KNTC1: variants seen among roughly 807,000 people sequenced by gnomAD.
The protein encoded by KNTC1 is kinetochore-associated protein 1.
Under a neutral mutation model 314.4 loss-of-function variants are expected in KNTC1, and 253 were observed. The ratio of observed to expected loss-of-function variants is 0.80; its 90% CI spans 0.73 to 0.89. The LOEUF (loss-of-function observed/expected upper bound fraction) is 0.89. KNTC1 is among the 40% of genes least tolerant of loss of function. The pLI is 0.00. For missense variants in KNTC1, 2,475 were observed against 2,572.9 expected (o/e 0.96, Z 0.82); for synonymous variants, 901 against 901.4 (o/e 1.00, Z 0.01).
Position 122,530,048 on chromosome 12 carries a change from A to T in KNTC1, c.-16A>T. On this transcript the variant is annotated 5_prime_UTR_variant, in exon 2 of 64. It adds an upstream start codon to the 5' untranslated region. Transcript: ENST00000333479. ...AAAGACAGTGGTTCCTGACTCAGGA[A>T]GACAGTCTCAGAAACATGTGGAATG... The T allele has an allele frequency of 6.2e-7, 1 of 1,612,134 alleles. No homozygotes were observed. The highest frequency in any genetic ancestry group is 8.5e-7 in the Non-Finnish European group (1 of 1,178,984).
chr12:122,595,176 A>G (rs570155023), intron 43 of KNTC1, among the ~76,000 whole-genome samples: 3 of 152,328 alleles, frequency 2.0e-5, no homozygotes, highest in African/African-American at 7.2e-5. Context: ...GCGCCTGAAC[A>G]AGAATTTTTA....
Position 122,557,600 on chromosome 12 carries a change from G to A in KNTC1, c.1399G>A (p.Asp467Asn). 1 of 1,613,090 alleles carries A rather than the reference G, an allele frequency of 6.2e-7. No individual in the cohort carries two copies. The highest frequency in any genetic ancestry group is 8.5e-7 in the Non-Finnish European group (1 of 1,179,468). The part of the protein sequence containing the change: ...DAKENLHKIQ[D>N]DEFVVNYCLK... ...ACTGTGTCTGGCATTTGTGAAACAG[G>A]ATGATGAATTTGTGGTGAATTACTG... The change falls in exon 18 of 64, where the codon GAT becomes AAT. Residue 467 changes from aspartate to asparagine, a missense_variant and splice_region_variant. Coordinates refer to ENST00000333479, the MANE Select transcript of KNTC1 (RefSeq NM_014708.6).
intron 57 of KNTC1, among the ~76,000 whole-genome samples, chr12:122,616,800 GCA>G (rs1873817142): frequency 6.6e-6 from 1 of 152,096 alleles, no homozygotes; most frequent in African/African-American, 2.4e-5. Flanking sequence ...TTTGGTATAT[GCA>G]CAGAGTTGTA....
rs1871897564 is a variant in KNTC1 at position 122,601,515 on chromosome 12, T to C, written c.4564-21T>C. ...ATGGCAAAGTCTTATCAAGTTTTGATATATTTTTGTTTTTATACAGTTGGA... is the reference window on the plus strand; with the variant it reads ...ATGGCAAAGTCTTATCAAGTTTTGACATATTTTTGTTTTTATACAGTTGGA... On this transcript the variant is annotated intron_variant, in intron 44 of 63. Coordinates refer to ENST00000333479, the MANE Select transcript of KNTC1 (RefSeq NM_014708.6). 5 of 1,508,406 alleles carry C rather than the reference T, an allele frequency of 3.3e-6. No homozygotes were observed. The African/African-American group carries it at 7.0e-5, about 21-fold the overall frequency. 93.4% of individuals were successfully genotyped at this position (1,508,406 alleles called of 1,614,324 possible). A position where few individuals can be genotyped will look rare whatever the true frequency, so the allele number is the denominator to read the frequency against.
At chr12:122,566,749 TC>T (rs1964369893) in intron 20 of KNTC1, among the ~76,000 whole-genome samples, 1 of 141,120 alleles carries the variant, frequency 7.1e-6, no homozygotes. Flanking sequence ...TGCCATGTTG[TC>T]CAGGCTGGTT....
chr12:122,586,819 T>TTTA (rs1555232649), intron 38 of KNTC1, 62 bp downstream of exon 38: 10 of 537,468 alleles, frequency 1.9e-5, no homozygotes, highest in Non-Finnish European at 2.4e-5. Context: ...TATTTATTTA[T>TTTA]TTTATTTTTT....
In KNTC1 at chr12:122,542,170, T is replaced by C. The variant is rs767229236; in HGVS notation, c.523+43T>C. The C allele has an allele frequency of 7.1e-6, 9 of 1,260,356 alleles. No homozygotes were observed. In the Admixed American group the frequency reaches 2.4e-4, roughly 34 times the overall value. 78.1% of individuals were successfully genotyped at this position (1,260,356 alleles called of 1,614,324 possible). On this transcript the variant is annotated intron_variant, in intron 6 of 63. Coordinates refer to ENST00000333479, the MANE Select transcript of KNTC1 (RefSeq NM_014708.6). ...TTTTTATTATTGATTTGCAGCAATA[T>C]TTACTAGTTTTATTAATGTAATAGT...
intron 16 of KNTC1, among the ~76,000 whole-genome samples, chr12:122,554,638 A>T (rs1018139289): frequency 2.0e-5 from 3 of 152,184 alleles, no homozygotes; most frequent in African/African-American, 7.2e-5. Context: ...AGATTTTAGA[A>T]GTAATGTTTA....
At chr12:122,597,342 G>A (rs756358224) in intron 43 of KNTC1, 9 of 204,148 alleles carry the variant, frequency 4.4e-5, no homozygotes, top group South Asian at 1.6e-4. Flanking sequence ...TCCACCTCCC[G>A]GGTTCAAGCA....
Position 122,612,428 on chromosome 12 carries a change from T to C in KNTC1, c.5623-684T>C, listed in dbSNP as rs1462618292. On this transcript the variant is annotated intron_variant, in intron 53 of 63. Coordinates refer to ENST00000333479, the MANE Select transcript of KNTC1 (RefSeq NM_014708.6). Reference sequence around the variant, plus strand: ...TTTTTCTTTTTCTTTTTCTTTTTTTTTTTTTTGAGAGAGAGTCTCACTCTG... The same window carrying C: ...TTTTTCTTTTTCTTTTTCTTTTTTTCTTTTTTGAGAGAGAGTCTCACTCTG... Among the ~76,000 whole-genome samples the C allele has an allele frequency of 4.7e-5, 7 of 150,084 alleles. No homozygotes were observed. The East Asian group carries it at 9.7e-4, about 21-fold the overall frequency.
intron 3 of KNTC1, among the ~76,000 whole-genome samples, chr12:122,535,048 A>G (rs1020900968): frequency 6.6e-6 from 1 of 152,240 alleles, no homozygotes; most frequent in Non-Finnish European, 1.5e-5. Context: ...TTGTATTAGA[A>G]TACTATGGAA....
rs1243628491 is a variant in KNTC1 at position 122,604,614 on chromosome 12, T to C, written c.5152T>C (p.Trp1718Arg). The C allele has an allele frequency of 6.3e-7, 1 of 1,597,612 alleles. No homozygotes were observed. Among genetic ancestry groups the C allele is most frequent in the Admixed American group, 1.7e-5 (1 of 59,936 alleles). The change falls in exon 49 of 64, where the codon TGG (tryptophan) becomes CGG (arginine). Residue 1718 changes from tryptophan (W) to arginine (R), a missense_variant. Physicochemically the swap from Trp to Arg is moderately radical, Grantham distance 101 (BLOSUM62 -3). Coordinates refer to ENST00000333479, the MANE Select transcript of KNTC1 (RefSeq NM_014708.6). ...LKFCLYLAER[W>R]LQNIPSQDEK... ...ATTCTGCCTTTATTTAGCTGAGAGA[T>C]GGCTACAGAATATCCCATCGCAGGT...
intron 63 of KNTC1, among the ~76,000 whole-genome samples, chr12:122,625,987 A>G (rs962654954): frequency 2.0e-5 from 3 of 152,164 alleles, no homozygotes; most frequent in African/African-American, 4.8e-5. Context: ...GGTTGTGCTC[A>G]ATGCCATAAG....
At chr12:122,532,661 C>T (rs1961455729) in intron 2 of KNTC1, among the ~76,000 whole-genome samples, 1 of 152,156 alleles carries the variant, frequency 6.6e-6, no homozygotes, top group Admixed American at 6.5e-5. Context: ...ACGTGGCATA[C>T]ACTTACCAAC....
At chr12:122,592,035 A>G (rs1870285150) in intron 42 of KNTC1, among the ~76,000 whole-genome samples, 1 of 152,150 alleles carries the variant, frequency 6.6e-6, no homozygotes, top group Non-Finnish European at 1.5e-5. Flanking sequence ...GAGAGGCGCG[A>G]GCAGGAACCC....
chr12:122,584,575 C>A, intron 35 of KNTC1, 125 bp downstream of exon 35: 1 of 636,250 alleles, frequency 1.6e-6, no homozygotes, highest in East Asian at 2.9e-5. Flanking sequence ...CTGCATTTCA[C>A]AAAGGGATGC....
chr12:122,571,661 C>T (rs1427227786), intron 24 of KNTC1, among the ~76,000 whole-genome samples: 2 of 151,784 alleles, frequency 1.3e-5, no homozygotes, highest in East Asian at 3.9e-4. Context: ...GCCCAGCCCT[C>T]TCAACCTATT....
intron 2 of KNTC1, 123 bp downstream of exon 2, chr12:122,530,315 A>G (rs971227804): frequency 1.2e-5 from 10 of 812,786 alleles, no homozygotes; most frequent in Non-Finnish European, 1.9e-5. Flanking sequence ...TCAAGATTCA[A>G]TCTCAGATTG....
At chr12:122,564,293 T>C (rs186921737) in intron 20 of KNTC1, among the ~76,000 whole-genome samples, 1 of 152,160 alleles carries the variant, frequency 6.6e-6, no homozygotes, top group African/African-American at 2.4e-5. Context: ...TTTAATGTTT[T>C]AATAATCTGA....
Sources: gnomAD v4.1 joint callset for allele counts (sites outside exome capture counted in the v4.1 genomes callset) on GRCh38, gnomAD v4.1.1 for gene constraint, MANE v1.5 for transcripts, NCBI Gene and HGNC (gene_info 2026-07-23, HGNC 2026-07-21) for gene names.